The following RNF38 variants were observed in gnomAD, a reference collection of about 807,000 sequenced individuals.
The protein encoded by RNF38 is E3 ubiquitin-protein ligase RNF38.
RNF38 carries 15 observed loss-of-function variants against 67.2 expected under a neutral mutation model. The ratio of observed to expected loss-of-function variants is 0.22; its 90% CI spans 0.15 to 0.34. RNF38 has a LOEUF of 0.34. RNF38 is among the 10% of genes least tolerant of loss of function. RNF38 has a pLI of 1.00. For missense variants in RNF38, 524 were observed against 639.9 expected (o/e 0.82, Z 1.95); for synonymous variants, 220 against 218.8 (o/e 1.01, Z -0.05).
Position 36,339,533 on chromosome 9 carries a change from G to GTCTT in RNF38, c.*215_*218dup, listed in dbSNP as rs1334586134. On this transcript the variant is annotated 3_prime_UTR_variant, in exon 12 of 12. Transcript: ENST00000259605. ...CACACAAAATTAAGCTAAAGAAAAA[G>GTCTT]TCTTTGGAGTTCCAATCACACGGTT... is the stretch of plus-strand genomic sequence containing the variant. The GTCTT allele has an allele frequency of 1.0e-5, 5 of 482,966 alleles. No individual in the cohort carries two copies. The highest frequency in any genetic ancestry group is 3.4e-5 in the Admixed American group (1 of 29,470). The allele number at this position is 482,966 out of a possible 1,614,324, so 29.9% of individuals were successfully genotyped here.
chr9:36,349,830 A>G (rs894057013), intron 9 of RNF38, among the ~76,000 whole-genome samples: 2 of 152,156 alleles, frequency 1.3e-5, no homozygotes, highest in Non-Finnish European at 2.9e-5. Flanking sequence ...ATTCTTTTGC[A>G]GGTGGGTATC....
chr9:36,466,611 T>C (rs116870637), intron 1 of RNF38, among the ~76,000 whole-genome samples: 3,996 of 152,208 alleles, frequency 0.026, 69 homozygotes, highest in South Asian at 0.058. Flanking sequence ...AAAAATAAAT[T>C]TATAAATACT....
intron 8 of RNF38, among the ~76,000 whole-genome samples, chr9:36,352,485 G>C (rs1230847491): frequency 6.6e-6 from 1 of 152,062 alleles, no homozygotes; most frequent in East Asian, 1.9e-4. Context: ...TTGTAAAAGA[G>C]GCAGAAAATC....
chr9:36,388,927 G>C (rs1276154752), intron 2 of RNF38, among the ~76,000 whole-genome samples: 5 of 151,400 alleles, frequency 3.3e-5, no homozygotes, highest in Non-Finnish European at 5.9e-5. Context: ...TTAAGGATAA[G>C]AAGCATAACT....
chr9:36,389,223 CTCTT>C (rs1227544461), intron 2 of RNF38, among the ~76,000 whole-genome samples: 2 of 151,944 alleles, frequency 1.3e-5, no homozygotes, highest in Non-Finnish European at 2.9e-5. Flanking sequence ...ATGCAATTGG[CTCTT>C]TGTTTTGTTT....
At chr9:36,407,170 A>C (rs935318887) in intron 2 of RNF38, among the ~76,000 whole-genome samples, 4 of 152,252 alleles carry the variant, frequency 2.6e-5, no homozygotes, top group African/African-American at 9.6e-5. Flanking sequence ...AACACAAATC[A>C]AAGTAGAAAA....
intron 1 of RNF38, among the ~76,000 whole-genome samples, chr9:36,397,807 T>C (rs183483983): frequency 2.0e-4 from 31 of 152,328 alleles, no homozygotes; most frequent in Admixed American, 1.6e-3. Context: ...TTCCAAAATC[T>C]AAATTTGCCT....
chr9:36,480,118 A>G (rs956131373), intron 1 of RNF38, among the ~76,000 whole-genome samples: 3 of 152,038 alleles, frequency 2.0e-5, no homozygotes, highest in Non-Finnish European at 4.4e-5. Context: ...AGCTGGGCCT[A>G]CAGGTTCACA....
At chr9:36,473,583 C>T (rs892999847) in intron 1 of RNF38, among the ~76,000 whole-genome samples, 18 of 151,506 alleles carry the variant, frequency 1.2e-4, no homozygotes, top group African/African-American at 3.9e-4. Flanking sequence ...AGCGAAACTC[C>T]GTCTCAAAAA....
rs146721153 is a variant in RNF38 at position 36,357,805 on chromosome 9, C to T, written c.708G>A (p.Gln236=). The T allele has an allele frequency of 6.3e-4, 1,014 of 1,613,668 alleles. 9 individuals are homozygous for T. The highest frequency in any genetic ancestry group is 4.9e-4 in the Middle Eastern group (3 of 6,080). The change falls in exon 5 of 12, where the codon CAG becomes CAA. Residue 236 remains glutamine (Q), a synonymous_variant. Transcript: ENST00000259605. ...GAGGCACACTACAGACAGGGAGGTG[C>T]TGTCCACTGAAAACCACAGAGCATC... ...VPGCSVVFSG[Q]HLPVCSVPPP...
intron 4 of RNF38, among the ~76,000 whole-genome samples, chr9:36,366,847 G>A (rs911809575): frequency 2.0e-5 from 3 of 152,112 alleles, no homozygotes; most frequent in Non-Finnish European, 4.4e-5. Context: ...ATTGCTCGCT[G>A]TTCTTGAAAA....
rs758601785 is a variant in RNF38 at position 36,359,844 on chromosome 9, C to T, written c.571-1902G>A. ...CACTGCAACCACCACCTCCTGGTTTCAAGCAATTCTCCTACCTTAGCCCCG... is the reference window on the plus strand; with the variant it reads ...CACTGCAACCACCACCTCCTGGTTTTAAGCAATTCTCCTACCTTAGCCCCG... On this transcript the variant is annotated intron_variant, in intron 4 of 11. Transcript: ENST00000259605. Among the ~76,000 whole-genome samples the T allele has an allele frequency of 4.6e-4, 69 of 151,224 alleles. 1 individual carries two copies. The highest frequency in any genetic ancestry group is 9.3e-4 in the Non-Finnish European group (63 of 67,960).
At chr9:36,435,085 G>C (rs994486585) in intron 1 of RNF38, among the ~76,000 whole-genome samples, 3 of 152,102 alleles carry the variant, frequency 2.0e-5, no homozygotes, top group African/African-American at 7.2e-5. Flanking sequence ...CAGCACAGTG[G>C]GCCACCACTG....
At position 36,353,221 on chromosome 9, in the gene RNF38, G is replaced by C. The variant is rs139446147; in HGVS notation, c.1020C>G (p.Pro340=). Residue 340 remains proline, a synonymous_variant, in exon 7 of 12, where the codon CCC becomes CCG. Transcript: ENST00000259605. ...AHPPTLPPSA[P]LQFLTHDPLH... Reference sequence around the variant, plus strand: ...AAGGATCATGTGTTAAGAACTGCAAGGGAGCTGATGGAGGTAATGTTGGGG... The same window carrying C: ...AAGGATCATGTGTTAAGAACTGCAACGGAGCTGATGGAGGTAATGTTGGGG... 5.6e-6 allele frequency: 9 copies of C among 1,614,020 alleles called. No individual in the cohort carries two copies. Among genetic ancestry groups the C allele is most frequent in the Non-Finnish European group, 5.1e-6 (6 of 1,179,960 alleles).
chr9:36,365,218 G>C (rs1003975699), intron 4 of RNF38, among the ~76,000 whole-genome samples: 1 of 71,198 alleles, frequency 1.4e-5, no homozygotes, highest in African/African-American at 5.1e-5. Context: ...CCGCTTTTAA[G>C]AACTAAGAGC....
At chr9:36,453,298 C>A (rs1839504136) in intron 1 of RNF38, among the ~76,000 whole-genome samples, 1 of 152,010 alleles carries the variant, frequency 6.6e-6, no homozygotes, top group African/African-American at 2.4e-5. Context: ...ACTGCAGCCT[C>A]AAAGTCCCAG....
Position 36,375,934 on chromosome 9 carries a change from C to A in RNF38, c.356G>T (p.Ser119Ile). Residue 119 changes from serine to isoleucine, a missense_variant and splice_region_variant, in exon 3 of 12, where the codon AGT becomes ATT. By Grantham distance (142) the Ser-to-Ile change is moderately radical. Around this residue, in one of 2 missense-constraint regions of RNF38, gnomAD observed 461 missense variants for 517.4 expected, o/e 0.89. Coordinates refer to ENST00000259605, the MANE Select transcript of RNF38 (RefSeq NM_022781.5). ...AAGAAATAAATTGTAATCAACTAACCTTCTTCTGTTGCGTGCAGGTGTGTT... is the reference window on the plus strand; with the variant it reads ...AAGAAATAAATTGTAATCAACTAACATTCTTCTGTTGCGTGCAGGTGTGTT... ...RCNTPARNRR[S>I]PPVRRQRGRR... 1 of 1,601,206 alleles carries A rather than the reference C, an allele frequency of 6.2e-7. No individual in the cohort carries two copies. Among genetic ancestry groups the A allele is most frequent in the African/African-American group, 1.3e-5 (1 of 74,410 alleles).
At chr9:36,486,942 G>C (rs1021447913) in intron 1 of RNF38, among the ~76,000 whole-genome samples, 2 of 152,058 alleles carry the variant, frequency 1.3e-5, no homozygotes, top group Non-Finnish European at 2.9e-5. Flanking sequence ...CCTCTGCTCG[G>C]GGCCCGCGCC....
At chr9:36,364,422 G>C (rs1396384214) in intron 4 of RNF38, among the ~76,000 whole-genome samples, 3 of 151,994 alleles carry the variant, frequency 2.0e-5, no homozygotes, top group Admixed American at 2.0e-4. Flanking sequence ...ACAGTGTAGA[G>C]GGTTGGTACC....
Sources: allele counts gnomAD v4.1 joint callset (sites outside exome capture counted in the v4.1 genomes callset), GRCh38; gene constraint gnomAD v4.1.1; regional missense constraint gnomAD v4.1.1; transcripts MANE v1.5; gene names NCBI Gene and HGNC (gene_info 2026-07-23, HGNC 2026-07-21).